Variants in USP32 observed in about 807,000 individuals in gnomAD.
The protein encoded by USP32 is ubiquitin specific peptidase 32.
USP32 carries 59 observed loss-of-function variants against 204.8 expected under a neutral mutation model. That is an observed-to-expected ratio of 0.29 (90% CI 0.23 to 0.36). The LOEUF (loss-of-function observed/expected upper bound fraction) is 0.36, where lower values mean the gene tolerates loss of function less well. Among genes scored for constraint, USP32 ranks in the 10% least tolerant of loss-of-function variants. The pLI is 1.00. For missense variants in USP32, 1,160 were observed against 1,946.4 expected (o/e 0.60, Z 7.60); for synonymous variants, 517 against 678.4 (o/e 0.76, Z 3.70).
At chr17:60,367,726 T>C (rs2089345715) in intron 1 of USP32, among the ~76,000 whole-genome samples, 1 of 152,158 alleles carries the variant, frequency 6.6e-6, no homozygotes, top group South Asian at 2.1e-4. Context: ...GAGAATCACT[T>C]GAACCTGGGA....
chr17:60,250,154 C>T (rs1034285795), intron 11 of USP32, among the ~76,000 whole-genome samples: 4 of 152,118 alleles, frequency 2.6e-5, no homozygotes, highest in African/African-American at 7.2e-5. Flanking sequence ...TTGATTCTGC[C>T]AGTCCCATGT....
chr17:60,334,146 G>C (rs1440790190), intron 2 of USP32, among the ~76,000 whole-genome samples: 3 of 152,118 alleles, frequency 2.0e-5, no homozygotes, highest in Non-Finnish European at 4.4e-5. Context: ...CTGTAAAAAA[G>C]CAACAAGAGG....
chr17:60,331,898 C>CA (rs932887788), intron 2 of USP32, among the ~76,000 whole-genome samples: 31 of 139,242 alleles, frequency 2.2e-4, no homozygotes, highest in African/African-American at 5.4e-4. Context: ...GACCCCATCT[C>CA]AAAAAAAAAT....
chr17:60,361,314 C>A (rs1466356588), intron 1 of USP32, among the ~76,000 whole-genome samples: 1 of 151,990 alleles, frequency 6.6e-6, no homozygotes, highest in Non-Finnish European at 1.5e-5. Flanking sequence ...TAAGATGTAC[C>A]CCCACAGAAA....
intron 1 of USP32, among the ~76,000 whole-genome samples, chr17:60,419,399 A>G (rs927526502): frequency 6.6e-6 from 1 of 152,164 alleles, no homozygotes; most frequent in Non-Finnish European, 1.5e-5. Context: ...GGATCAGGAA[A>G]AATAACTAAT....
rs117230595 is a variant in USP32, at chr17:60,296,516, G to A, written c.293-1715C>T. Among the ~76,000 whole-genome samples, 1,401 of 152,328 alleles carry A rather than the reference G, an allele frequency of 9.2e-3. 4 individuals carry two copies. The highest frequency in any genetic ancestry group is 0.016 in the Non-Finnish European group (1,106 of 68,024). On this transcript the variant is annotated intron_variant, in intron 3 of 33. Coordinates refer to ENST00000300896, the MANE Select transcript of USP32 (RefSeq NM_032582.4). ...AAAGAATTTTCCCCTACAGGTTTCAGAGAAAGCATGGCCCTGCTGACACTT... is the reference window on the plus strand; with the variant it reads ...AAAGAATTTTCCCCTACAGGTTTCAAAGAAAGCATGGCCCTGCTGACACTT...
At chr17:60,338,233 G>A (rs1277939810) in intron 2 of USP32, among the ~76,000 whole-genome samples, 2 of 150,942 alleles carry the variant, frequency 1.3e-5, no homozygotes, top group African/African-American at 2.4e-5. Flanking sequence ...GCAGAGGCAG[G>A]AGAATCTCTT....
At chr17:60,184,854 T>C (rs1400355821) in intron 30 of USP32, among the ~76,000 whole-genome samples, 1 of 151,130 alleles carries the variant, frequency 6.6e-6, no homozygotes, top group Non-Finnish European at 1.5e-5. Context: ...AATTAAAATA[T>C]GCCAGTACCT....
At chr17:60,323,680 G>T (rs1424544644) in intron 2 of USP32, among the ~76,000 whole-genome samples, 6 of 152,160 alleles carry the variant, frequency 3.9e-5, no homozygotes, top group Non-Finnish European at 5.9e-5. Context: ...ACTGGTGTAT[G>T]TAACAAAGTT....
At position 60,277,918 on chromosome 17, in the gene USP32, C is replaced by CTTT. The variant is rs11422765; in HGVS notation, c.572-6440_572-6438dup. 3.3e-3 allele frequency among the ~76,000 whole-genome samples: 434 copies of CTTT among 132,684 alleles called. 10 individuals are homozygous for CTTT. The highest frequency in any genetic ancestry group is 0.012 in the African/African-American group (413 of 34,084). The allele number at this position is 132,684 out of a possible 152,430, so 87.0% of individuals were successfully genotyped here. A position where few individuals can be genotyped will look rare whatever the true frequency, so the allele number is the denominator to read the frequency against. On this transcript the variant is annotated intron_variant, in intron 5 of 33. Coordinates refer to ENST00000300896, the MANE Select transcript of USP32 (RefSeq NM_032582.4). ...TAAAAAAATAACTTAATAATAGTTC[C>CTTT]TTTTTTTTTTTTTTTTTGAAGAGAC...
At chr17:60,315,008 G>A (rs2087938692) in intron 2 of USP32, among the ~76,000 whole-genome samples, 1 of 152,162 alleles carries the variant, frequency 6.6e-6, no homozygotes, top group African/African-American at 2.4e-5. Context: ...CAGGGCAAAT[G>A]ACTTAAATAA....
chr17:60,367,867 C>T (rs769899895), intron 1 of USP32, among the ~76,000 whole-genome samples: 3 of 151,962 alleles, frequency 2.0e-5, no homozygotes, highest in Non-Finnish European at 2.9e-5. Context: ...GTACCAAACA[C>T]GTACAGGCTT....
chr17:60,398,275 A>C (rs1235746047), intron 1 of USP32, among the ~76,000 whole-genome samples: 1 of 152,206 alleles, frequency 6.6e-6, no homozygotes, highest in East Asian at 1.9e-4. Flanking sequence ...GTACCTCTGT[A>C]GTCTCAGCTA....
At chr17:60,385,202 A>AC (rs1330132738) in intron 1 of USP32, among the ~76,000 whole-genome samples, 1 of 151,616 alleles carries the variant, frequency 6.6e-6, no homozygotes, top group Non-Finnish European at 1.5e-5. Context: ...GCACCTCGTG[A>AC]CCCCCGCCCC....
intron 2 of USP32, among the ~76,000 whole-genome samples, chr17:60,326,721 C>T (rs1450686433): frequency 2.0e-5 from 3 of 152,074 alleles, no homozygotes; most frequent in Non-Finnish European, 4.4e-5. Context: ...TAGAGAATCA[C>T]CAAAGGAAAA....
intron 1 of USP32, among the ~76,000 whole-genome samples, chr17:60,399,059 G>T (rs2089917740): frequency 6.6e-6 from 1 of 152,120 alleles, no homozygotes; most frequent in South Asian, 2.1e-4. Flanking sequence ...GTAGGGAGAG[G>T]TATTAGTCCA....
intron 11 of USP32, among the ~76,000 whole-genome samples, chr17:60,239,363 G>A (rs374785497): frequency 3.9e-5 from 6 of 152,188 alleles, no homozygotes; most frequent in East Asian, 3.9e-4. Flanking sequence ...TTTTGAACGC[G>A]TAGGTTCACG....
Position 60,345,543 on chromosome 17 carries a change from T to C in USP32, c.124A>G (p.Met42Val). ...FKRTCGLSYY[M>V]GQHCFIREVL... ...TCCCGGATGAAGCAGTGCTGGCCCA[T>C]GTAATATGAGAGTCCACAGGTCCTC... The change falls in exon 2 of 34, where the codon ATG (methionine) becomes GTG (valine). Residue 42 changes from methionine (M) to valine (V), a missense_variant. By Grantham distance (21) the Met-to-Val change is conservative. Coordinates refer to ENST00000300896, the MANE Select transcript of USP32 (RefSeq NM_032582.4). 1.2e-6 allele frequency: 2 copies of C among 1,614,180 alleles called. No homozygotes were observed. The highest frequency in any genetic ancestry group is 2.2e-5 in the East Asian group (1 of 44,882).
intron 30 of USP32, among the ~76,000 whole-genome samples, chr17:60,184,159 C>A (rs1416277992): frequency 6.6e-6 from 1 of 151,412 alleles, no homozygotes; most frequent in Non-Finnish European, 1.5e-5. Context: ...AAAAAACACA[C>A]AAAAAATTAG....
Sources: gnomAD v4.1 joint callset for allele counts (sites outside exome capture counted in the v4.1 genomes callset) on GRCh38, gnomAD v4.1.1 for gene constraint, MANE v1.5 for transcripts, NCBI Gene and HGNC (gene_info 2026-07-23, HGNC 2026-07-21) for gene names.